ZNF804A: variants seen among roughly 807,000 people sequenced by gnomAD.
ZNF804A encodes zinc finger protein 804A.
In ZNF804A, 2 loss-of-function variants were observed where a neutral mutation model predicts 16.5. The ratio of observed to expected loss-of-function variants is 0.12; its 90% CI spans 0.05 to 0.38. The LOEUF is 0.38. ZNF804A is among the 10% of genes least tolerant of loss of function. The pLI is 0.99. For synonymous variants in ZNF804A, 534 were observed against 489.6 expected, an observed-to-expected ratio of 1.09 and a Z score of -1.20; for missense variants, 1,473 against 1,390.7, an observed-to-expected ratio of 1.06 and a Z score of -0.94.
intron 1 of ZNF804A, among the ~76,000 whole-genome samples, chr2:184,624,141 T>A (rs187462843): frequency 3.5e-4 from 54 of 152,128 alleles, no homozygotes; most frequent in Admixed American, 5.2e-4. Context: ...ATTAAAGGAG[T>A]GTTGGCTCCA....
intron 1 of ZNF804A, among the ~76,000 whole-genome samples, chr2:184,775,103 T>A (rs1280553192): frequency 1.3e-5 from 2 of 151,796 alleles, no homozygotes; most frequent in African/African-American, 2.4e-5. Flanking sequence ...TGACCTATTG[T>A]AAGTAATAAT....
chr2:184,747,193 A>G (rs1179189229), intron 1 of ZNF804A, among the ~76,000 whole-genome samples: 3 of 151,012 alleles, frequency 2.0e-5, no homozygotes, highest in Non-Finnish European at 4.5e-5. Flanking sequence ...TTAGCCTCTG[A>G]AGACTTAAAT....
At chr2:184,711,353 A>G (rs1174952647) in intron 1 of ZNF804A, among the ~76,000 whole-genome samples, 1 of 151,586 alleles carries the variant, frequency 6.6e-6, no homozygotes. Context: ...TAACTGGGAT[A>G]CTTGCTTTTT....
chr2:184,623,591 ATGCCTAGCTTTAATAAG>A (rs1240495382), intron 1 of ZNF804A, among the ~76,000 whole-genome samples: 2 of 152,166 alleles, frequency 1.3e-5, no homozygotes, highest in Admixed American at 1.3e-4. Flanking sequence ...GTTCAAAGCC[ATGCCTAGCTTTAATAAG>A]TGACACATGT....
intron 1 of ZNF804A, among the ~76,000 whole-genome samples, chr2:184,609,256 C>A (rs1158274140): frequency 6.6e-6 from 1 of 152,042 alleles, no homozygotes; most frequent in East Asian, 1.9e-4. Flanking sequence ...TGGAGGGAAA[C>A]AGATATAGGA....
At chr2:184,857,237 T>C (rs1695703032) in intron 1 of ZNF804A, among the ~76,000 whole-genome samples, 1 of 151,946 alleles carries the variant, frequency 6.6e-6, no homozygotes, top group South Asian at 2.1e-4. Flanking sequence ...CAGTGACTGA[T>C]TGGTTGTTCA....
chr2:184,613,887 C>T (rs1691278032), intron 1 of ZNF804A, among the ~76,000 whole-genome samples: 1 of 152,048 alleles, frequency 6.6e-6, no homozygotes, highest in African/African-American at 2.4e-5. Context: ...TCAATGCTAT[C>T]CCCATCAAGC....
intron 1 of ZNF804A, among the ~76,000 whole-genome samples, chr2:184,669,182 A>G (rs1160348377): frequency 6.6e-6 from 1 of 152,088 alleles, no homozygotes; most frequent in African/African-American, 2.4e-5. Flanking sequence ...CAGAGTCTCC[A>G]AAGGATACAT....
intron 2 of ZNF804A, among the ~76,000 whole-genome samples, chr2:184,885,709 A>G (rs1684878029): frequency 6.6e-6 from 1 of 152,198 alleles, no homozygotes; most frequent in Admixed American, 6.5e-5. Flanking sequence ...TGGCGGCAGC[A>G]AGAGAAAATG....
At chr2:184,827,249 T>C (rs964110920) in intron 1 of ZNF804A, among the ~76,000 whole-genome samples, 4 of 151,200 alleles carry the variant, frequency 2.6e-5, no homozygotes, top group African/African-American at 9.7e-5. Flanking sequence ...ATAATATGGC[T>C]CTTCATTGAA....
chr2:184,609,367 A>T (rs1361593414), intron 1 of ZNF804A, among the ~76,000 whole-genome samples: 1 of 151,928 alleles, frequency 6.6e-6, no homozygotes, highest in Non-Finnish European at 1.5e-5. Flanking sequence ...TTCTCTCCTG[A>T]CTCCTGTTGA....
chr2:184,721,691 C>T (rs774821749), intron 1 of ZNF804A, among the ~76,000 whole-genome samples: 2 of 151,972 alleles, frequency 1.3e-5, no homozygotes, highest in Admixed American at 6.6e-5. Flanking sequence ...TCTCAAAAAG[C>T]TAAAGCTACA....
At chr2:184,812,905 G>A (rs1400572470) in intron 1 of ZNF804A, among the ~76,000 whole-genome samples, 1 of 151,982 alleles carries the variant, frequency 6.6e-6, no homozygotes, top group African/African-American at 2.4e-5. Context: ...AATAAATAAT[G>A]AAATAATAAC....
chr2:184,833,507 T>G (rs1195224295), intron 1 of ZNF804A, among the ~76,000 whole-genome samples: 1 of 152,146 alleles, frequency 6.6e-6, no homozygotes, highest in South Asian at 2.1e-4. Flanking sequence ...ATGTTCTAAC[T>G]AATTTATATT....
chr2:184,914,480 C>A (rs1685415507), intron 2 of ZNF804A, among the ~76,000 whole-genome samples: 1 of 152,122 alleles, frequency 6.6e-6, no homozygotes, highest in Non-Finnish European at 1.5e-5. Flanking sequence ...TCACATACTT[C>A]TGAGTCCAAA....
intron 1 of ZNF804A, among the ~76,000 whole-genome samples, chr2:184,710,601 C>G (rs1052033555): frequency 6.6e-6 from 1 of 151,722 alleles, no homozygotes; most frequent in African/African-American, 2.4e-5. Context: ...TGTTGCATAA[C>G]AGGTCTCTAG....
At chr2:184,699,619 G>GA (rs1692889056) in intron 1 of ZNF804A, among the ~76,000 whole-genome samples, 1 of 152,044 alleles carries the variant, frequency 6.6e-6, no homozygotes, top group African/African-American at 2.4e-5. Flanking sequence ...ACGTAGTCCT[G>GA]AAAATCAAGC....
At chr2:184,734,344 C>T (rs1470299190) in intron 1 of ZNF804A, among the ~76,000 whole-genome samples, 1 of 152,038 alleles carries the variant, frequency 6.6e-6, no homozygotes, top group Non-Finnish European at 1.5e-5. Flanking sequence ...TTGCTACATC[C>T]TACAAACTTT....
At chr2:184,857,555 T>C (rs1695718034) in intron 1 of ZNF804A, among the ~76,000 whole-genome samples, 1 of 152,120 alleles carries the variant, frequency 6.6e-6, no homozygotes, top group Non-Finnish European at 1.5e-5. Context: ...GAATGAACTG[T>C]CCATTGCTGG....
Sources: allele counts gnomAD v4.1 joint callset (sites outside exome capture counted in the v4.1 genomes callset), GRCh38; gene constraint gnomAD v4.1.1; transcripts MANE v1.5; gene names NCBI Gene and HGNC (gene_info 2026-07-23, HGNC 2026-07-21).